FRMD4A: variants seen among roughly 807,000 people sequenced by gnomAD.
FRMD4A encodes FERM domain containing 4A, also known as FERM domain-containing protein 4A.
In FRMD4A, 29 loss-of-function variants were observed where a neutral mutation model predicts 129.1. The ratio of observed to expected loss-of-function variants is 0.22; its 90% CI spans 0.17 to 0.31. The LOEUF (loss-of-function observed/expected upper bound fraction) is 0.31. Among genes scored for constraint, FRMD4A ranks in the 10% least tolerant of loss-of-function variants. The pLI is 1.00. For missense variants in FRMD4A, 1,272 were observed against 1,375.8 expected, an observed-to-expected ratio of 0.92 and a Z score of 1.19; for synonymous variants, 634 against 571.6, an observed-to-expected ratio of 1.11 and a Z score of -1.56.
intron 12 of FRMD4A, among the ~76,000 whole-genome samples, chr10:13,732,868 G>C (rs1383740186): frequency 6.6e-6 from 1 of 152,236 alleles, no homozygotes; most frequent in Non-Finnish European, 1.5e-5. Context: ...CCTTCCCCAT[G>C]TCTGAGTTTT....
At position 14,253,303 on chromosome 10, in the gene FRMD4A, C is replaced by T. The variant is rs535451281; in HGVS notation, c.45+76755G>A. ...GAAACTCCAAGATAAATAGTGAATT[C>T]CTCTCCTATGAATTTAAGAAACCTG... On this transcript the variant is annotated intron_variant, in intron 2 of 24. Transcript: ENST00000357447. Among the ~76,000 whole-genome samples, 34 of 152,258 alleles carry T rather than the reference C, an allele frequency of 2.2e-4. No homozygotes were observed. In the East Asian group the frequency reaches 4.8e-3, roughly 22 times the overall value.
chr10:13,685,040 T>C (rs2084947255), intron 15 of FRMD4A: 1 of 984,850 alleles, frequency 1.0e-6, no homozygotes, highest in South Asian at 4.7e-5. Flanking sequence ...ATGAATTCCT[T>C]ACATAAAAGA....
At chr10:13,704,911 A>G (rs2087259604) in intron 13 of FRMD4A, among the ~76,000 whole-genome samples, 1 of 151,888 alleles carries the variant, frequency 6.6e-6, no homozygotes. Context: ...TCTCTCCAAA[A>G]AAAAAAAAAA....
chr10:14,001,301 T>C (rs1001200), intron 2 of FRMD4A, among the ~76,000 whole-genome samples: 43,183 of 152,110 alleles, frequency 0.28, 7,338 homozygotes, highest in East Asian at 0.73. Flanking sequence ...AAAAGCATTG[T>C]TTTAACATGA....
intron 3 of FRMD4A, among the ~76,000 whole-genome samples, chr10:13,852,686 C>T (rs2094156148): frequency 6.6e-6 from 1 of 152,158 alleles, no homozygotes; most frequent in Non-Finnish European, 1.5e-5. Flanking sequence ...GAAGTCTTCA[C>T]AAGCTGGTGT....
intron 12 of FRMD4A, among the ~76,000 whole-genome samples, chr10:13,714,310 G>A (rs961641084): frequency 4.6e-5 from 7 of 151,096 alleles, no homozygotes; most frequent in African/African-American, 1.7e-4. Context: ...TGATCCACTC[G>A]CCTTGGCTTC....
chr10:14,113,500 T>C (rs1181252318), intron 2 of FRMD4A, among the ~76,000 whole-genome samples: 1 of 152,202 alleles, frequency 6.6e-6, no homozygotes, highest in East Asian at 1.9e-4. Context: ...AGTGGCTGTA[T>C]GTGTTATTGA....
At chr10:14,286,625 T>C (rs1237202578) in intron 2 of FRMD4A, among the ~76,000 whole-genome samples, 1 of 152,182 alleles carries the variant, frequency 6.6e-6, no homozygotes, top group African/African-American at 2.4e-5. Flanking sequence ...TCCAGCAAGA[T>C]GCAAGAGTCC....
chr10:14,115,404 C>T (rs2131802165), intron 2 of FRMD4A, among the ~76,000 whole-genome samples: 1 of 152,272 alleles, frequency 6.6e-6, no homozygotes, highest in Non-Finnish European at 1.5e-5. Flanking sequence ...TTACTTTTCC[C>T]TAGTTAGCTA....
chr10:13,871,913 C>T (rs963706254), intron 2 of FRMD4A, among the ~76,000 whole-genome samples: 2 of 152,240 alleles, frequency 1.3e-5, no homozygotes, highest in Non-Finnish European at 2.9e-5. Flanking sequence ...CAGAGCCAGG[C>T]TCCAGAGCTC....
intron 2 of FRMD4A, among the ~76,000 whole-genome samples, chr10:14,056,482 T>A (rs984993302): frequency 4.6e-5 from 7 of 152,190 alleles, no homozygotes; most frequent in African/African-American, 1.2e-4. Flanking sequence ...CTTGGACCTC[T>A]GAATAAGTAG....
At position 13,880,459 on chromosome 10, in the gene FRMD4A, C is replaced by T. The variant is rs2094534204; in HGVS notation, c.46-21547G>A. Among the ~76,000 whole-genome samples the T allele has an allele frequency of 3.3e-5, 5 of 152,352 alleles. No homozygotes were observed. In the South Asian group the frequency reaches 1.0e-3, roughly 32 times the overall value. On this transcript the variant is annotated intron_variant, in intron 2 of 24. Transcript: ENST00000357447. ...GATTCTTGCAAATGTGCTTCCAACT[C>T]TGCCCACCTTGCAATCTCACCCACA...
intron 2 of FRMD4A, among the ~76,000 whole-genome samples, chr10:13,984,058 G>T (rs931025185): frequency 6.6e-6 from 1 of 151,968 alleles, no homozygotes; most frequent in Admixed American, 6.6e-5. Flanking sequence ...TAGGGGTCTC[G>T]GTAGTGAGCC....
intron 2 of FRMD4A, among the ~76,000 whole-genome samples, chr10:14,292,496 A>G (rs559456788): frequency 1.8e-4 from 28 of 152,336 alleles, no homozygotes; most frequent in African/African-American, 6.5e-4. Context: ...GGTGAATTTT[A>G]TTATATTTAA....
At chr10:14,138,635 C>T (rs1839669529) in intron 2 of FRMD4A, among the ~76,000 whole-genome samples, 1 of 151,992 alleles carries the variant, frequency 6.6e-6, no homozygotes, top group Admixed American at 6.6e-5. Context: ...TGGTGCGCGC[C>T]TGTAATCCCA....
intron 2 of FRMD4A, among the ~76,000 whole-genome samples, chr10:14,192,733 G>A (rs1278029228): frequency 6.6e-6 from 1 of 152,164 alleles, no homozygotes; most frequent in Non-Finnish European, 1.5e-5. Context: ...ATTTTATTCT[G>A]TGAGTTTCCA....
chr10:13,726,450 C>T (rs1211356530), intron 12 of FRMD4A, among the ~76,000 whole-genome samples: 3 of 152,134 alleles, frequency 2.0e-5, no homozygotes, highest in African/African-American at 7.2e-5. Context: ...GTCTTCATAA[C>T]AACAGCAAAA....
intron 3 of FRMD4A, among the ~76,000 whole-genome samples, chr10:13,858,049 T>C (rs1355266378): frequency 2.6e-5 from 4 of 152,196 alleles, no homozygotes; most frequent in Non-Finnish European, 4.4e-5. Context: ...TGTCAACTCA[T>C]GAGATGGGGT....
intron 4 of FRMD4A, among the ~76,000 whole-genome samples, chr10:13,803,480 C>T (rs574354598): frequency 3.0e-4 from 46 of 151,638 alleles, no homozygotes; most frequent in Non-Finnish European, 5.7e-4. Flanking sequence ...TACAGGTGCA[C>T]ACCACCACTC....
Sources: gnomAD v4.1 joint callset for allele counts (sites outside exome capture counted in the v4.1 genomes callset) on GRCh38, gnomAD v4.1.1 for gene constraint, MANE v1.5 for transcripts, NCBI Gene and HGNC (gene_info 2026-07-23, HGNC 2026-07-21) for gene names.